Variants in RTN4 observed in about 807,000 individuals in gnomAD.
RTN4 encodes reticulon-4.
In RTN4, 32 loss-of-function variants were observed where a neutral mutation model predicts 90.4. The observed-to-expected ratio is 0.35, with a 90% CI of 0.27 to 0.48. The LOEUF (loss-of-function observed/expected upper bound fraction) is 0.48. Among genes scored for constraint, RTN4 ranks in the 20% least tolerant of loss-of-function variants. RTN4 has a pLI of 0.99. For missense variants in RTN4, 1,706 were observed against 1,430.2 expected (o/e 1.19, Z -3.11); for synonymous variants, 629 against 552.5 (o/e 1.14, Z -1.94).
intron 1 of RTN4, chr2:55,048,990 T>G (rs1057028803): frequency 1.2e-5 from 6 of 513,272 alleles, no homozygotes; most frequent in Admixed American, 6.4e-5. Flanking sequence ...TCGAACACAA[T>G]GCCTAGATCC....
At chr2:55,003,712 C>T (rs1558791395) in intron 3 of RTN4, among the ~76,000 whole-genome samples, 1 of 152,168 alleles carries the variant, frequency 6.6e-6, no homozygotes, top group Admixed American at 6.5e-5. Context: ...TGTAGCTAGA[C>T]CTATGATGAC....
At chr2:54,998,186 G>A (rs1202028975) in intron 3 of RTN4, among the ~76,000 whole-genome samples, 1 of 151,464 alleles carries the variant, frequency 6.6e-6, no homozygotes, top group Non-Finnish European at 1.5e-5. Context: ...GTCAGGGGCT[G>A]GGGAAAAAGG....
chr2:55,081,148 C>T (rs1668706768), intron 1 of RTN4, among the ~76,000 whole-genome samples: 2 of 152,140 alleles, frequency 1.3e-5, no homozygotes, highest in Admixed American at 6.5e-5. Flanking sequence ...GATCACAGCT[C>T]ACTGCAGCCT....
intron 1 of RTN4, among the ~76,000 whole-genome samples, chr2:55,036,724 C>G (rs906558809): frequency 7.1e-4 from 107 of 151,494 alleles, no homozygotes; most frequent in African/African-American, 2.5e-3. Flanking sequence ...CAACAAATGT[C>G]AAAAACTTAT....
chr2:55,057,513 A>G (rs1245185115), intron 2 of RTN4, among the ~76,000 whole-genome samples: 1 of 152,204 alleles, frequency 6.6e-6, no homozygotes, highest in Non-Finnish European at 1.5e-5. Context: ...TATTGCTACT[A>G]TTAGAGCAGA....
chr2:54,976,997 T>G (rs1442213177), intron 5 of RTN4, among the ~76,000 whole-genome samples: 1 of 152,256 alleles, frequency 6.6e-6, no homozygotes, highest in Non-Finnish European at 1.5e-5. Context: ...CTGGTTTATC[T>G]TTCTTCCAGG....
upstream of RTN4, among the ~76,000 whole-genome samples, chr2:55,053,023 T>G (rs1668125170): frequency 6.6e-6 from 1 of 152,222 alleles, no homozygotes; most frequent in African/African-American, 2.4e-5. Context: ...AGAATAATTA[T>G]AAATAGTAGA....
At chr2:55,008,142 A>AACACACACACACACACACACAC (rs200633765) in intron 3 of RTN4, among the ~76,000 whole-genome samples, 7 of 145,026 alleles carry the variant, frequency 4.8e-5, no homozygotes, top group East Asian at 2.0e-4. Context: ...TCGGCAAGCA[A>AACACACACACACACACACACAC]ACACACACAC....
At chr2:55,130,328 A>G in the RTN4 span, among the ~76,000 whole-genome samples, 2 of 152,248 alleles carry the variant, frequency 1.3e-5, no homozygotes, top group Non-Finnish European at 2.9e-5. Context: ...TAGGACATAC[A>G]AGTATTTGTA....
intron 1 of RTN4, chr2:55,112,469 G>A (rs1306765587): frequency 6.6e-6 from 1 of 152,288 alleles, no homozygotes; most frequent in Admixed American, 6.5e-5. Context: ...CACTAGTATT[G>A]TTCTAAATCT....
At chr2:55,014,182 G>A (rs567190135) in intron 3 of RTN4, among the ~76,000 whole-genome samples, 43 of 152,042 alleles carry the variant, frequency 2.8e-4, no homozygotes, top group African/African-American at 9.9e-4. Flanking sequence ...TAAATCTTAA[G>A]AACTGGAAAA....
intron 1 of RTN4, among the ~76,000 whole-genome samples, chr2:55,095,703 T>C (rs1669018786): frequency 6.6e-6 from 1 of 152,194 alleles, no homozygotes; most frequent in South Asian, 2.1e-4. Context: ...CACACCTGGC[T>C]AATTTTTAAA....
chr2:55,101,537 T>C (rs1238632562), intron 1 of RTN4, among the ~76,000 whole-genome samples: 2 of 152,140 alleles, frequency 1.3e-5, no homozygotes, highest in Non-Finnish European at 2.9e-5. Flanking sequence ...TTTATATATA[T>C]GCAAAACCAA....
At chr2:55,116,988 T>G (rs1294922990), upstream of RTN4, among the ~76,000 whole-genome samples, 2 of 151,224 alleles carry the variant, frequency 1.3e-5, no homozygotes, top group East Asian at 3.9e-4. Context: ...ATTCTCCTGC[T>G]GCAGCCTCCC....
At chr2:55,061,439 A>G (rs1246329077) in intron 2 of RTN4, among the ~76,000 whole-genome samples, 1 of 152,222 alleles carries the variant, frequency 6.6e-6, no homozygotes, top group African/African-American at 2.4e-5. Context: ...ATACCCATGC[A>G]TATTGAAATT....
chr2:54,995,256 T>A lies in RTN4; in HGVS notation c.3014-7558A>T, dbSNP rs543026528. ...CCCTATCTCTAAAAAAAAAAAAAAA[T>A]CTAAATAAAGACTCAAAACACTTCT... On this transcript the variant is annotated intron_variant, in intron 3 of 8. Coordinates refer to ENST00000337526, the MANE Select transcript of RTN4 (RefSeq NM_020532.5). Among the ~76,000 whole-genome samples the A allele has an allele frequency of 3.1e-3, 471 of 150,144 alleles. 3 individuals are homozygous for A. Among genetic ancestry groups the A allele is most frequent in the African/African-American group, 0.011 (438 of 40,880 alleles).
At chr2:55,063,091 C>T (rs1469259234) in intron 2 of RTN4, among the ~76,000 whole-genome samples, 20 of 152,058 alleles carry the variant, frequency 1.3e-4, no homozygotes, top group Admixed American at 9.2e-4. Flanking sequence ...CTCTAAACTT[C>T]GTTTATATGA....
chr2:55,128,799 G>GA, the RTN4 span, among the ~76,000 whole-genome samples: 38 of 143,526 alleles, frequency 2.6e-4, no homozygotes, highest in African/African-American at 3.1e-4. Context: ...TAAGAAAAAA[G>GA]AAAAAAAAAA....
intron 3 of RTN4, among the ~76,000 whole-genome samples, chr2:55,001,984 CTAAAA>C (rs1237736957): frequency 6.6e-6 from 1 of 152,056 alleles, no homozygotes; most frequent in Non-Finnish European, 1.5e-5. Flanking sequence ...TAAGAATGAA[CTAAAA>C]TAAATTTATT....
Sources: gnomAD v4.1 joint callset for allele counts (sites outside exome capture counted in the v4.1 genomes callset) on GRCh38, gnomAD v4.1.1 for gene constraint, MANE v1.5 for transcripts, NCBI Gene and HGNC (gene_info 2026-07-23, HGNC 2026-07-21) for gene names.